Variants in RBFOX1 observed in about 807,000 individuals in gnomAD.
The protein encoded by RBFOX1 is RNA binding protein fox-1 homolog 1.
Under a neutral mutation model 57.7 loss-of-function variants are expected in RBFOX1, and 8 were observed. The observed-to-expected ratio is 0.14, with a 90% CI of 0.08 to 0.25. RBFOX1 has a LOEUF of 0.25. Among genes scored for constraint, RBFOX1 ranks in the 10% least tolerant of loss-of-function variants. The pLI, the probability that RBFOX1 is intolerant of heterozygous loss-of-function variation, is 1.00. For synonymous variants in RBFOX1, 326 were observed against 222.4 expected (o/e 1.47, Z -4.15); for missense variants, 611 against 548.5 (o/e 1.11, Z -1.14).
chr16:7,485,071 T>C (rs1169311983), intron 4 of RBFOX1, among the ~76,000 whole-genome samples: 1 of 152,180 alleles, frequency 6.6e-6, no homozygotes, highest in Non-Finnish European at 1.5e-5. Flanking sequence ...ACTTTTTTTT[T>C]TTTTTAATAA....
At chr16:6,779,465 C>T (rs890602821) in intron 3 of RBFOX1, among the ~76,000 whole-genome samples, 5 of 151,642 alleles carry the variant, frequency 3.3e-5, no homozygotes, top group African/African-American at 7.3e-5. Context: ...GTGAAGAGTA[C>T]TACAATAAAC....
At chr16:6,512,813 C>G (rs780148894) in intron 2 of RBFOX1, among the ~76,000 whole-genome samples, 1 of 152,140 alleles carries the variant, frequency 6.6e-6, no homozygotes, top group Non-Finnish European at 1.5e-5. Flanking sequence ...CACAGCCAAG[C>G]CTAAGCTTTG....
In RBFOX1 at chr16:7,285,112, C is replaced by G. The variant is rs1337744467; in HGVS notation, c.27+233014C>G. 4.1e-5 allele frequency among the ~76,000 whole-genome samples: 4 copies of G among 98,368 alleles called. No homozygotes were observed. The East Asian group carries it at 9.1e-4, about 22-fold the overall frequency. The allele number at this position is 98,368 out of a possible 152,430, so 64.5% of individuals were successfully genotyped here. On this transcript the variant is annotated intron_variant, in intron 4 of 15. Coordinates refer to ENST00000550418, the MANE Select transcript of RBFOX1 (RefSeq NM_018723.4). ...TTTTTTTTTTTTTTTTTTTAGCAAC[C>G]TGTTCTTATCCTTTATAGCATTTAC...
intron 4 of RBFOX1, among the ~76,000 whole-genome samples, chr16:7,073,158 C>T (rs544570814): frequency 4.6e-5 from 7 of 152,274 alleles, no homozygotes; most frequent in African/African-American, 1.7e-4. Flanking sequence ...TTATGCTCTG[C>T]AGGCAACATC....
At chr16:5,640,691 G>A (rs2048834999) in intron 3 of RBFOX1, among the ~76,000 whole-genome samples, 1 of 147,368 alleles carries the variant, frequency 6.8e-6, no homozygotes, top group South Asian at 2.2e-4. Flanking sequence ...AGCACACCAT[G>A]GATACACACC....
intron 3 of RBFOX1, among the ~76,000 whole-genome samples, chr16:6,988,408 C>A (rs1225219206): frequency 2.0e-5 from 3 of 152,066 alleles, no homozygotes; most frequent in Non-Finnish European, 4.4e-5. Context: ...TGCTGGATTT[C>A]AAAGACTTAG....
chr16:5,616,042 T>C (rs2048012387), intron 3 of RBFOX1: 1 of 152,486 alleles, frequency 6.6e-6, no homozygotes, highest in African/African-American at 2.4e-5. Flanking sequence ...CCAGAGCTCT[T>C]CTCCACTCCC....
At chr16:6,726,612 C>T (rs2067246699) in intron 3 of RBFOX1, among the ~76,000 whole-genome samples, 1 of 152,118 alleles carries the variant, frequency 6.6e-6, no homozygotes, top group South Asian at 2.1e-4. Flanking sequence ...CATATTCTAT[C>T]AGTTCAGCAA....
chr16:6,092,384 G>C (rs947767409), intron 1 of RBFOX1: 1 of 152,188 alleles, frequency 6.6e-6, no homozygotes, highest in African/African-American at 2.4e-5. Flanking sequence ...CAAGCGAACT[G>C]TTAATTCTAT....
intron 4 of RBFOX1, among the ~76,000 whole-genome samples, chr16:7,382,611 G>A (rs997998507): frequency 2.0e-5 from 3 of 152,148 alleles, no homozygotes; most frequent in Non-Finnish European, 2.9e-5. Context: ...TGATTAATGC[G>A]CAAGATGGCA....
intron 1 of RBFOX1, among the ~76,000 whole-genome samples, chr16:5,250,338 G>A (rs1025723750): frequency 2.0e-5 from 3 of 152,038 alleles, no homozygotes; most frequent in Non-Finnish European, 4.4e-5. Flanking sequence ...CATGTGCCAT[G>A]GTGGTTTACT....
intron 3 of RBFOX1, among the ~76,000 whole-genome samples, chr16:6,774,357 C>G (rs1026300282): frequency 6.6e-6 from 1 of 151,528 alleles, no homozygotes; most frequent in Admixed American, 6.6e-5. Context: ...TCTAACTGGC[C>G]AAGTCTACAC....
chr16:7,592,170 G>C (rs918554639), intron 7 of RBFOX1, among the ~76,000 whole-genome samples: 2 of 152,050 alleles, frequency 1.3e-5, no homozygotes, highest in Non-Finnish European at 2.9e-5. Flanking sequence ...TCTAAATGAG[G>C]AATACCAAGT....
At chr16:5,819,418 C>G (rs536457931) in intron 3 of RBFOX1, among the ~76,000 whole-genome samples, 1 of 152,200 alleles carries the variant, frequency 6.6e-6, no homozygotes, top group East Asian at 1.9e-4. Flanking sequence ...TCCTATGGTG[C>G]CTCTCTGCTT....
intron 4 of RBFOX1, among the ~76,000 whole-genome samples, chr16:7,256,126 C>T (rs1374406051): frequency 6.6e-6 from 1 of 152,180 alleles, no homozygotes; most frequent in Non-Finnish European, 1.5e-5. Context: ...CTAAAATGCA[C>T]TGTTAAAAAT....
intron 1 of RBFOX1, among the ~76,000 whole-genome samples, chr16:5,426,428 C>A (rs149316996): frequency 6.6e-6 from 1 of 152,114 alleles, no homozygotes; most frequent in Non-Finnish European, 1.5e-5. Context: ...AGACTAAAAC[C>A]GTACCCAGCG....
At chr16:7,087,384 C>G (rs574969020) in intron 4 of RBFOX1, among the ~76,000 whole-genome samples, 3 of 152,244 alleles carry the variant, frequency 2.0e-5, no homozygotes, top group East Asian at 1.9e-4. Flanking sequence ...ATGATCAACA[C>G]CATCGCTAGT....
chr16:6,836,545 C>T (rs2093111583), intron 3 of RBFOX1, among the ~76,000 whole-genome samples: 1 of 152,178 alleles, frequency 6.6e-6, no homozygotes. Flanking sequence ...CGAATGACAC[C>T]TTCAAATGGG....
At chr16:7,537,468 A>G (rs2152434164) in intron 5 of RBFOX1, among the ~76,000 whole-genome samples, 1 of 152,294 alleles carries the variant, frequency 6.6e-6, no homozygotes, top group Non-Finnish European at 1.5e-5. Flanking sequence ...GTCATAGCTG[A>G]ACAAGTCTGA....
Sources: allele counts gnomAD v4.1 joint callset (sites outside exome capture counted in the v4.1 genomes callset), GRCh38; gene constraint gnomAD v4.1.1; transcripts MANE v1.5; gene names NCBI Gene and HGNC (gene_info 2026-07-23, HGNC 2026-07-21).